The following MCTP1 variants were observed in gnomAD, a reference collection of about 807,000 sequenced individuals.
The protein encoded by MCTP1 is multiple C2 and transmembrane domain containing 1, also known as multiple C2 and transmembrane domain-containing protein 1.
In MCTP1, 69 loss-of-function variants were observed where a neutral mutation model predicts 120.6. That is an observed-to-expected ratio of 0.57 (90% CI 0.47 to 0.70). The LOEUF (loss-of-function observed/expected upper bound fraction) is 0.70, where lower values mean the gene tolerates loss of function less well. Among genes scored for constraint, MCTP1 ranks in the 30% least tolerant of loss-of-function variants. MCTP1 has a pLI of 0.00. For missense variants in MCTP1, 1,203 were observed against 1,248.8 expected (o/e 0.96, Z 0.55); for synonymous variants, 529 against 493.1 (o/e 1.07, Z -0.96).
Position 94,865,388 on chromosome 5 carries a change from C to G in MCTP1, c.2436+2945G>C, listed in dbSNP as rs552021416. Among the ~76,000 whole-genome samples the G allele has an allele frequency of 2.2e-4, 34 of 151,838 alleles. 1 individual carries two copies. Among genetic ancestry groups the G allele is most frequent in the African/African-American group, 8.0e-4 (33 of 41,480 alleles). On this transcript the variant is annotated intron_variant, in intron 17 of 22. Transcript: ENST00000515393. Reference sequence around the variant, plus strand: ...AGGCACTTAAACATTATAAAGTTTACTGACTTGGGCCTAAAACCAAGCCAC... The same window carrying G: ...AGGCACTTAAACATTATAAAGTTTAGTGACTTGGGCCTAAAACCAAGCCAC...
At chr5:94,834,266 G>C (rs898816374) in intron 17 of MCTP1, among the ~76,000 whole-genome samples, 1 of 152,106 alleles carries the variant, frequency 6.6e-6, no homozygotes, top group Non-Finnish European at 1.5e-5. Flanking sequence ...GAACCACACA[G>C]GGCAATTGCA....
At chr5:95,204,157 G>A (rs911057735) in intron 1 of MCTP1, among the ~76,000 whole-genome samples, 15 of 152,054 alleles carry the variant, frequency 9.9e-5, no homozygotes, top group Admixed American at 5.2e-4. Context: ...TTTAAAAAGC[G>A]ACTCAAAGTC....
At chr5:95,204,502 C>T (rs1283782464) in intron 1 of MCTP1, among the ~76,000 whole-genome samples, 1 of 152,198 alleles carries the variant, frequency 6.6e-6, no homozygotes, top group Non-Finnish European at 1.5e-5. Context: ...ATCTATTCAA[C>T]ACTGCACTAG....
chr5:94,952,965 C>A (rs17084334), intron 3 of MCTP1, among the ~76,000 whole-genome samples: 25,134 of 152,148 alleles, frequency 0.17, 2,275 homozygotes, highest in Non-Finnish European at 0.2. Context: ...AATCAGTTGG[C>A]AATACCAAGC....
chr5:95,108,662 C>T (rs1757260363), intron 1 of MCTP1, among the ~76,000 whole-genome samples: 1 of 152,194 alleles, frequency 6.6e-6, no homozygotes, highest in African/African-American at 2.4e-5. Flanking sequence ...ATTGGTAAGT[C>T]ACCCTTAGCT....
chr5:95,081,327 C>T, intron 1 of MCTP1: 1 of 987,832 alleles, frequency 1.0e-6, no homozygotes, highest in Non-Finnish European at 1.5e-6. Flanking sequence ...CTTCAATACC[C>T]CGTGAGAAGG....
At chr5:95,029,520 T>C (rs1309531620) in intron 1 of MCTP1, among the ~76,000 whole-genome samples, 1 of 152,196 alleles carries the variant, frequency 6.6e-6, no homozygotes, top group Non-Finnish European at 1.5e-5. Context: ...CCAGGACCTC[T>C]TGGAGAATCC....
intron 2 of MCTP1, among the ~76,000 whole-genome samples, chr5:94,966,704 A>G (rs1825687119): frequency 6.6e-6 from 1 of 151,972 alleles, no homozygotes; most frequent in Non-Finnish European, 1.5e-5. Context: ...CTGAGGCAGG[A>G]GAATGGCGTG....
chr5:95,188,179 T>C (rs1301352852), intron 1 of MCTP1, among the ~76,000 whole-genome samples: 2 of 152,082 alleles, frequency 1.3e-5, no homozygotes, highest in Admixed American at 1.3e-4. Flanking sequence ...CCATTAACCA[T>C]TAAAGAAACA....
At chr5:95,039,451 G>A (rs1581974838) in intron 1 of MCTP1, among the ~76,000 whole-genome samples, 1 of 152,190 alleles carries the variant, frequency 6.6e-6, no homozygotes, top group Non-Finnish European at 1.5e-5. Flanking sequence ...TACTTACAGT[G>A]GGGGAAGGGG....
At chr5:94,778,697 A>T (rs1263934656) in intron 19 of MCTP1, among the ~76,000 whole-genome samples, 1 of 152,086 alleles carries the variant, frequency 6.6e-6, no homozygotes, top group Non-Finnish European at 1.5e-5. Flanking sequence ...AATTGTTTGA[A>T]AATTACAGAT....
chr5:94,770,832 T>C (rs1012289657), intron 19 of MCTP1, among the ~76,000 whole-genome samples: 1 of 152,178 alleles, frequency 6.6e-6, no homozygotes, highest in Non-Finnish European at 1.5e-5. Context: ...TGCAACACAA[T>C]ATGAATTCGA....
chr5:94,779,068 T>G (rs768341980), intron 19 of MCTP1, 42 bp downstream of exon 19: 2 of 1,550,096 alleles, frequency 1.3e-6, no homozygotes, highest in African/African-American at 1.4e-5. Context: ...ATGTCTACAT[T>G]TCCCCATCCC....
chr5:95,222,783 A>G (rs1753824935), intron 1 of MCTP1, among the ~76,000 whole-genome samples: 1 of 152,260 alleles, frequency 6.6e-6, no homozygotes, highest in Non-Finnish European at 1.5e-5. Context: ...TTAGTCACAT[A>G]AACAGTTTTA....
rs544512760 is a variant in MCTP1 at position 94,794,295 on chromosome 5, G to A, written c.2556+4718C>T. Among the ~76,000 whole-genome samples the A allele has an allele frequency of 8.5e-5, 13 of 152,296 alleles. No homozygotes were observed. In the East Asian group the frequency reaches 2.5e-3, roughly 29 times the overall value. On this transcript the variant is annotated intron_variant, in intron 18 of 22. Transcript: ENST00000515393. ...ATTTATTCACAAAAAAATTATTCACGAATATGAAGAAGTCAGCTTTGATGG... is the reference window on the plus strand; with the variant it reads ...ATTTATTCACAAAAAAATTATTCACAAATATGAAGAAGTCAGCTTTGATGG...
intron 12 of MCTP1, among the ~76,000 whole-genome samples, chr5:94,884,191 CA>C (rs1279253661): frequency 6.6e-6 from 1 of 152,124 alleles, no homozygotes; most frequent in Non-Finnish European, 1.5e-5. Flanking sequence ...GCACAGTAAT[CA>C]AAGTGTTAAA....
At chr5:95,036,930 A>AC (rs70978158) in intron 1 of MCTP1, among the ~76,000 whole-genome samples, 7 of 152,122 alleles carry the variant, frequency 4.6e-5, no homozygotes, top group South Asian at 2.1e-4. Flanking sequence ...TCACTCACTC[A>AC]TTTTTTAATC....
chr5:95,143,447 T>C (rs1476318118), intron 1 of MCTP1, among the ~76,000 whole-genome samples: 1 of 152,044 alleles, frequency 6.6e-6, no homozygotes, highest in Non-Finnish European at 1.5e-5. Context: ...ATTCAGAGAG[T>C]ACATGTGCAG....
chr5:95,068,989 G>A (rs1751420639), intron 1 of MCTP1, among the ~76,000 whole-genome samples: 1 of 148,392 alleles, frequency 6.7e-6, no homozygotes, highest in African/African-American at 2.5e-5. Flanking sequence ...CCTGAGAGAA[G>A]CTGTGAAACA....
Sources: gnomAD v4.1 joint callset for allele counts (sites outside exome capture counted in the v4.1 genomes callset) on GRCh38, gnomAD v4.1.1 for gene constraint, MANE v1.5 for transcripts, NCBI Gene and HGNC (gene_info 2026-07-23, HGNC 2026-07-21) for gene names.